TASP1: variants seen among roughly 807,000 people sequenced by gnomAD.
TASP1 encodes the protein taspase 1.
TASP1 carries 16 observed loss-of-function variants against 56.6 expected under a neutral mutation model. That is an observed-to-expected ratio of 0.28 (90% CI 0.19 to 0.43). The LOEUF is 0.43. Among genes scored for constraint, TASP1 ranks in the 20% least tolerant of loss-of-function variants. The probability of loss-of-function intolerance (pLI) is 1.00; values close to 1 mark genes in which losing one functional copy is unlikely to be tolerated. For missense variants in TASP1, 393 were observed against 511.6 expected (o/e 0.77, Z 2.24); for synonymous variants, 179 against 184.2 (o/e 0.97, Z 0.23).
At chr20:13,115,720 C>A in the TASP1 span, among the ~76,000 whole-genome samples, 2 of 152,124 alleles carry the variant, frequency 1.3e-5, no homozygotes, top group African/African-American at 2.4e-5. Context: ...GGACTCGTTG[C>A]AACCATTTCC....
intron 1 of TASP1, among the ~76,000 whole-genome samples, chr20:13,632,747 A>T (rs2049145104): frequency 6.6e-6 from 1 of 152,242 alleles, no homozygotes; most frequent in Non-Finnish European, 1.5e-5. Flanking sequence ...GTTAGAAATG[A>T]AGCAACTTCT....
rs117960369 is a variant in TASP1, at chr20:13,425,165, G to C, written c.1097-7644C>G. 5.0e-3 allele frequency among the ~76,000 whole-genome samples: 757 copies of C among 152,246 alleles called. 3 individuals carry two copies. The highest frequency in any genetic ancestry group is 8.4e-3 in the Non-Finnish European group (573 of 68,010). On this transcript the variant is annotated intron_variant, in intron 12 of 13. Coordinates refer to ENST00000337743, the MANE Select transcript of TASP1 (RefSeq NM_017714.3). ...CCAACACCGGTACTACTTCAGTTTT[G>C]GTGGAGCTCTGCTATATAAAGCAGC... is the stretch of plus-strand genomic sequence containing the variant.
the TASP1 span, among the ~76,000 whole-genome samples, chr20:13,127,397 G>GA: frequency 2.0e-5 from 3 of 152,198 alleles, no homozygotes; most frequent in Admixed American, 6.5e-5. Context: ...AGGCAAACTG[G>GA]TGAGCACATT....
chr20:13,136,145 C>A, the TASP1 span, among the ~76,000 whole-genome samples: 1 of 151,958 alleles, frequency 6.6e-6, no homozygotes, highest in Non-Finnish European at 1.5e-5. Flanking sequence ...CACACATGTC[C>A]CTCTCTGCCC....
At chr20:13,473,002 T>C (rs2044573817) in intron 11 of TASP1, among the ~76,000 whole-genome samples, 1 of 152,008 alleles carries the variant, frequency 6.6e-6, no homozygotes, top group Admixed American at 6.6e-5. Flanking sequence ...AACCAAAGGA[T>C]TATAGAAACA....
Position 13,619,761 on chromosome 20 carries a change from G to A in TASP1, c.282+3685C>T, listed in dbSNP as rs1156772006. Among the ~76,000 whole-genome samples the A allele has an allele frequency of 3.3e-5, 5 of 152,214 alleles. No homozygotes were observed. In the East Asian group the frequency reaches 9.6e-4, roughly 29 times the overall value. On this transcript the variant is annotated intron_variant, in intron 4 of 13. Coordinates refer to ENST00000337743, the MANE Select transcript of TASP1 (RefSeq NM_017714.3). ...ACAATATTAATCTTCTCTGCTGTGA[G>A]TGAAACCAGAGTTGTACCATCCAGT...
chr20:13,132,171 ATTTTTTTTTT>A, the TASP1 span, among the ~76,000 whole-genome samples: 14 of 104,002 alleles, frequency 1.3e-4, no homozygotes, highest in Non-Finnish European at 2.4e-4. Flanking sequence ...CCTTGCTTTA[ATTTTTTTTTT>A]TTTTTTTTTT....
chr20:13,503,901 A>G (rs2044038338), intron 10 of TASP1, among the ~76,000 whole-genome samples: 1 of 152,036 alleles, frequency 6.6e-6, no homozygotes, highest in Non-Finnish European at 1.5e-5. Flanking sequence ...GAACTCAAAG[A>G]CAGCTCATTT....
chr20:13,565,671 AT>A (rs2046502494), intron 7 of TASP1, among the ~76,000 whole-genome samples: 1 of 152,186 alleles, frequency 6.6e-6, no homozygotes, highest in African/African-American at 2.4e-5. Context: ...GATGCCAACT[AT>A]TTTTTAAAAA....
intron 1 of TASP1, among the ~76,000 whole-genome samples, chr20:13,636,727 G>A (rs561968240): frequency 6.6e-6 from 1 of 152,258 alleles, no homozygotes; most frequent in African/African-American, 2.4e-5. Flanking sequence ...ATGATCAACT[G>A]ATTTTCAACA....
intron 11 of TASP1, among the ~76,000 whole-genome samples, chr20:13,481,430 T>C (rs1171966615): frequency 6.6e-6 from 1 of 152,184 alleles, no homozygotes; most frequent in Non-Finnish European, 1.5e-5. Flanking sequence ...CTTTTGGGGA[T>C]ATACATAGCA....
At chr20:13,371,738 A>G in the TASP1 span, among the ~76,000 whole-genome samples, 15 of 152,216 alleles carry the variant, frequency 9.9e-5, no homozygotes, top group Non-Finnish European at 1.9e-4. Context: ...CAATATTTAA[A>G]GTGGAATATT....
the TASP1 span, chr20:13,167,660 C>T: frequency 2.0e-5 from 3 of 152,114 alleles, no homozygotes; most frequent in Non-Finnish European, 2.9e-5. Flanking sequence ...CATTATGAAA[C>T]GATGGTGTCA....
At chr20:13,165,575 T>G in the TASP1 span, 5 of 152,190 alleles carry the variant, frequency 3.3e-5, no homozygotes, top group Non-Finnish European at 7.3e-5. Flanking sequence ...GATGTTTGTT[T>G]CATAAGAAAA....
chr20:13,513,525 G>A (rs1050355288), intron 10 of TASP1, among the ~76,000 whole-genome samples: 1 of 152,046 alleles, frequency 6.6e-6, no homozygotes, highest in Non-Finnish European at 1.5e-5. Flanking sequence ...GGATAAGGAG[G>A]GAAGGGATTC....
chr20:13,555,405 A>T (rs2046123240), intron 8 of TASP1, among the ~76,000 whole-genome samples: 1 of 151,314 alleles, frequency 6.6e-6, no homozygotes, highest in Admixed American at 6.6e-5. Context: ...AAAAAAAAAA[A>T]ATTATAAATC....
the TASP1 span, among the ~76,000 whole-genome samples, chr20:13,246,602 G>A: frequency 2.8e-5 from 4 of 141,452 alleles, no homozygotes; most frequent in South Asian, 2.1e-4. Flanking sequence ...GAGCAGATAC[G>A]TGTTTTTTCA....
At chr20:13,268,163 T>TCTCTC in the TASP1 span, among the ~76,000 whole-genome samples, 13 of 150,012 alleles carry the variant, frequency 8.7e-5, no homozygotes, top group South Asian at 4.3e-4. Flanking sequence ...TCCCTTCCCT[T>TCTCTC]CTCTCCTCTC....
chr20:13,562,874 CAAAA>C (rs766496099), intron 7 of TASP1, among the ~76,000 whole-genome samples: 1 of 88,372 alleles, frequency 1.1e-5, no homozygotes. Context: ...GACCTTGTCT[CAAAA>C]AAAAAAAAAA....
Sources: allele counts gnomAD v4.1 joint callset (sites outside exome capture counted in the v4.1 genomes callset), GRCh38; gene constraint gnomAD v4.1.1; transcripts MANE v1.5; gene names NCBI Gene and HGNC (gene_info 2026-07-23, HGNC 2026-07-21).